The following DISC1 variants were observed in gnomAD, a reference collection of about 807,000 sequenced individuals.
DISC1 encodes the protein disrupted in schizophrenia 1 protein.
A neutral mutation model predicts 84.5 loss-of-function variants in DISC1; 57 were observed. That is an observed-to-expected ratio of 0.67 (90% CI 0.55 to 0.84). The LOEUF (loss-of-function observed/expected upper bound fraction) is 0.84. Ranked by LOEUF, DISC1 falls within the 40% of genes least tolerant of loss-of-function variation. The pLI is 0.00. For missense variants in DISC1, 1,000 were observed against 1,057.8 expected (o/e 0.95, Z 0.76); for synonymous variants, 411 against 415.2 (o/e 0.99, Z 0.12).
rs1333785302 is a variant in DISC1, at chr1:231,954,528, A to G, written c.1982-4300A>G. ...GTGAATGTGTTCCTGCTTCTTCCTG[A>G]TCAGGAAGGGGGTCTGCAGTCCTCT... On this transcript the variant is annotated intron_variant, in intron 9 of 12. Transcript: ENST00000439617. This position sits in a 1 kb window ranked among gnomAD's most constrained non-coding sequence, Gnocchi z 4.8. Among the ~76,000 whole-genome samples, 4 of 152,100 alleles carry G rather than the reference A, an allele frequency of 2.6e-5. No individual in the cohort carries two copies. In the East Asian group the frequency reaches 7.7e-4, roughly 29 times the overall value.
At chr1:231,845,063 G>A (rs1558642762) in intron 9 of DISC1, among the ~76,000 whole-genome samples, 1 of 152,258 alleles carries the variant, frequency 6.6e-6, no homozygotes, top group South Asian at 2.1e-4. Flanking sequence ...GCTTCAGAGA[G>A]ACTAGATTGT....
intron 1 of DISC1, among the ~76,000 whole-genome samples, chr1:231,636,916 C>A (rs776958417): frequency 5.3e-5 from 8 of 152,168 alleles, no homozygotes; most frequent in Admixed American, 1.3e-4. Context: ...TTAAGCCCCA[C>A]ATGCATTAGG....
intron 9 of DISC1, among the ~76,000 whole-genome samples, chr1:231,919,465 C>A (rs934329924): frequency 6.6e-6 from 1 of 152,208 alleles, no homozygotes; most frequent in East Asian, 1.9e-4. Context: ...CCCAGGCACG[C>A]TGGCTTTCCT....
At chr1:231,840,086 C>T (rs1011196167) in intron 9 of DISC1, among the ~76,000 whole-genome samples, 1 of 152,122 alleles carries the variant, frequency 6.6e-6, no homozygotes, top group Non-Finnish European at 1.5e-5. Flanking sequence ...CAAAAAAACC[C>T]AAACATTGCA....
At chr1:231,873,902 G>T (rs1413382876) in intron 9 of DISC1, among the ~76,000 whole-genome samples, 2 of 151,912 alleles carry the variant, frequency 1.3e-5, no homozygotes, top group African/African-American at 2.4e-5. Flanking sequence ...ATGCTGAAGT[G>T]CAGTGGTGTG....
chr1:231,886,533 A>G lies in DISC1; in HGVS notation c.1981+68016A>G, dbSNP rs2125992907. On this transcript the variant is annotated intron_variant, in intron 9 of 12. Coordinates refer to ENST00000439617, the MANE Select transcript of DISC1 (RefSeq NM_018662.3). ...TACCATTGCTGAATTGAATCCGTCC[A>G]GTTTGCACGTGTGTCTACAGACATG... 1.3e-5 allele frequency among the ~76,000 whole-genome samples: 2 copies of G among 152,342 alleles called. 1 individual carries two copies. Among genetic ancestry groups the G allele is most frequent in the South Asian group, 4.1e-4 (2 of 4,830 alleles).
At chr1:231,862,857 C>T (rs1258097623) in intron 9 of DISC1, among the ~76,000 whole-genome samples, 2 of 151,932 alleles carry the variant, frequency 1.3e-5, no homozygotes, top group Admixed American at 6.6e-5. Flanking sequence ...GTGTCAGGCA[C>T]AGTTGGGAAT....
At chr1:231,912,088 G>C (rs2089254503) in intron 9 of DISC1, among the ~76,000 whole-genome samples, 2 of 152,082 alleles carry the variant, frequency 1.3e-5, no homozygotes, top group Admixed American at 1.3e-4. Context: ...GTTTTTTCAA[G>C]GTTTTTAGCT....
At chr1:231,755,898 C>T (rs2075064993) in intron 4 of DISC1, among the ~76,000 whole-genome samples, 1 of 152,208 alleles carries the variant, frequency 6.6e-6, no homozygotes, top group Non-Finnish European at 1.5e-5. Flanking sequence ...CAGTGGTCTC[C>T]TTGCTGGTAT....
intron 1 of DISC1, among the ~76,000 whole-genome samples, chr1:231,634,916 T>C (rs1180993028): frequency 2.5e-5 from 3 of 122,138 alleles, no homozygotes; most frequent in Non-Finnish European, 3.4e-5. Flanking sequence ...AGCAAGACCC[T>C]GTCTCAAAAA....
intron 10 of DISC1, among the ~76,000 whole-genome samples, chr1:231,995,611 A>G (rs572320311): frequency 4.3e-4 from 65 of 152,162 alleles, no homozygotes; most frequent in Non-Finnish European, 6.8e-4. Flanking sequence ...TGTCCTTGCA[A>G]TAGTTTACTG....
chr1:231,933,174 A>T (rs1424824022), intron 9 of DISC1, among the ~76,000 whole-genome samples: 1 of 152,168 alleles, frequency 6.6e-6, no homozygotes, highest in East Asian at 1.9e-4. Context: ...TTTTCAGAGG[A>T]GGAAATGAGG....
chr1:231,901,332 T>C (rs2088156684), intron 9 of DISC1, among the ~76,000 whole-genome samples: 1 of 152,164 alleles, frequency 6.6e-6, no homozygotes, highest in African/African-American at 2.4e-5. Context: ...ATTGAGTAAA[T>C]TTAATTTTAG....
chr1:231,872,114 A>G (rs921673717), intron 9 of DISC1, among the ~76,000 whole-genome samples: 2 of 152,212 alleles, frequency 1.3e-5, no homozygotes, highest in Non-Finnish European at 2.9e-5. Flanking sequence ...AGCCTGATGC[A>G]TGCAAGGCGT....
intron 9 of DISC1, among the ~76,000 whole-genome samples, chr1:231,946,653 G>A (rs967611072): frequency 2.0e-5 from 3 of 152,130 alleles, no homozygotes; most frequent in African/African-American, 7.2e-5. Flanking sequence ...ATTCAAGTAG[G>A]AAGAGAGGAA....
At chr1:231,952,090 C>CAAAAAAAAA (rs11392611) in intron 9 of DISC1, among the ~76,000 whole-genome samples, 31 of 54,214 alleles carry the variant, frequency 5.7e-4, no homozygotes, top group South Asian at 1.6e-3. Context: ...CTCAATGTCT[C>CAAAAAAAAA]AAAAAAAAAA....
At chr1:231,961,232 A>T (rs1660337901) in intron 10 of DISC1, among the ~76,000 whole-genome samples, 1 of 152,186 alleles carries the variant, frequency 6.6e-6, no homozygotes, top group Admixed American at 6.5e-5. Context: ...TGAGTGGGAA[A>T]ACCCCACAGG....
intron 9 of DISC1, among the ~76,000 whole-genome samples, chr1:231,830,847 G>A (rs1328096597): frequency 6.6e-6 from 1 of 152,222 alleles, no homozygotes; most frequent in Non-Finnish European, 1.5e-5. Context: ...TTGGTGAGGT[G>A]TGTTTTTAAA....
intron 4 of DISC1, among the ~76,000 whole-genome samples, chr1:231,751,272 T>C (rs750821362): frequency 1.3e-5 from 2 of 152,214 alleles, no homozygotes; most frequent in African/African-American, 2.4e-5. Flanking sequence ...TGTCGTCTAC[T>C]CCAGTCTTGG....
Sources: allele counts gnomAD v4.1 joint callset (sites outside exome capture counted in the v4.1 genomes callset), GRCh38; gene constraint gnomAD v4.1.1; non-coding constraint Gnocchi (gnomAD v3.1); transcripts MANE v1.5; gene names NCBI Gene and HGNC (gene_info 2026-07-23, HGNC 2026-07-21).